The following USH2A variants were observed in gnomAD, a reference collection of about 807,000 sequenced individuals.
USH2A encodes the protein usherin.
USH2A carries 443 observed loss-of-function variants against 538.9 expected under a neutral mutation model. That is an observed-to-expected ratio of 0.82 (90% CI 0.76 to 0.89). The LOEUF is 0.89. USH2A is among the 40% of genes least tolerant of loss of function. The pLI is 0.00. For missense variants in USH2A, 6,633 were observed against 6,324.8 expected (o/e 1.05, Z -1.65); for synonymous variants, 2,413 against 2,273.5 (o/e 1.06, Z -1.75).
At chr1:216,212,332 G>T (rs925345488) in intron 15 of USH2A, among the ~76,000 whole-genome samples, 1 of 152,134 alleles carries the variant, frequency 6.6e-6, no homozygotes, top group African/African-American at 2.4e-5. Flanking sequence ...AGGTTTAGAT[G>T]ACTTACCAAC....
At chr1:215,940,712 G>A (rs954811820) in intron 37 of USH2A, among the ~76,000 whole-genome samples, 4 of 152,100 alleles carry the variant, frequency 2.6e-5, no homozygotes, top group Non-Finnish European at 4.4e-5. Context: ...GACGGTGCTC[G>A]ATTAATGCAT....
chr1:215,938,633 T>G (rs1276761539), intron 37 of USH2A, among the ~76,000 whole-genome samples: 2 of 152,054 alleles, frequency 1.3e-5, no homozygotes, highest in African/African-American at 4.8e-5. Context: ...TGACCCTATT[T>G]GTGAGTATAA....
At chr1:215,781,058 A>G (rs1335189277) in intron 54 of USH2A, among the ~76,000 whole-genome samples, 8 of 152,110 alleles carry the variant, frequency 5.3e-5, no homozygotes, top group Non-Finnish European at 5.9e-5. Context: ...TTGATTGTTT[A>G]TTTCCAGTCT....
At chr1:215,786,930 C>A in intron 51 of USH2A, 56 bp from the exon 52 acceptor site, 1 of 1,545,226 alleles carries the variant, frequency 6.5e-7, no homozygotes, top group Non-Finnish European at 8.9e-7. Context: ...TTCATTTAGA[C>A]ATACATAGGG....
chr1:215,968,712 T>C (rs1667419076), intron 36 of USH2A, among the ~76,000 whole-genome samples: 1 of 152,170 alleles, frequency 6.6e-6, no homozygotes, highest in African/African-American at 2.4e-5. Flanking sequence ...TTGAACTCTT[T>C]CAAAATTTAT....
At chr1:215,685,467 C>T (rs921424560) in intron 61 of USH2A, among the ~76,000 whole-genome samples, 1 of 151,660 alleles carries the variant, frequency 6.6e-6, no homozygotes, top group Non-Finnish European at 1.5e-5. Context: ...GAGCGATTCT[C>T]ATGCCTCAGT....
intron 40 of USH2A, among the ~76,000 whole-genome samples, chr1:215,893,160 T>C (rs532445091): frequency 6.6e-6 from 1 of 152,294 alleles, no homozygotes; most frequent in East Asian, 1.9e-4. Flanking sequence ...TCAACTCTGT[T>C]TACAGGTACA....
At chr1:216,398,882 C>T (rs1052679772) in intron 3 of USH2A, among the ~76,000 whole-genome samples, 3 of 152,158 alleles carry the variant, frequency 2.0e-5, no homozygotes, top group African/African-American at 7.2e-5. Context: ...AAATAAGGAG[C>T]TTATTTTCTG....
chr1:215,671,032 G>T lies in USH2A; in HGVS notation c.14073C>A (p.Asn4691Lys). The change falls in exon 64 of 72, where the codon AAC becomes AAA. Residue 4691 changes from asparagine (N) to lysine (K), a missense_variant. Asn to Lys is a moderately conservative substitution (Grantham distance 94, BLOSUM62 0). Coordinates refer to ENST00000307340, the MANE Select transcript of USH2A (RefSeq NM_206933.4). ...PRKSNPVLIY[N>K]GSSTSFIDSE... ...AATCTATAAAAGATGTTGAGCTTCCGTTATAGATTAGGACTGGATTGGATT... is the reference window on the plus strand; with the variant it reads ...AATCTATAAAAGATGTTGAGCTTCCTTTATAGATTAGGACTGGATTGGATT... 1 of 1,614,110 alleles carries T rather than the reference G, an allele frequency of 6.2e-7. No homozygotes were observed. Among genetic ancestry groups the T allele is most frequent in the South Asian group, 1.1e-5 (1 of 91,090 alleles).
intron 61 of USH2A, among the ~76,000 whole-genome samples, chr1:215,713,308 T>C (rs1368250355): frequency 6.6e-6 from 1 of 152,190 alleles, no homozygotes; most frequent in Admixed American, 6.5e-5. Context: ...GGAGGCACTA[T>C]TAGGCATAAC....
intron 4 of USH2A, among the ~76,000 whole-genome samples, chr1:216,330,553 C>T (rs1290780532): frequency 1.3e-5 from 2 of 151,624 alleles, no homozygotes; most frequent in African/African-American, 4.8e-5. Context: ...AGCTAGCATC[C>T]TGGAGCAGAA....
At chr1:216,410,107 C>T (rs547567462) in intron 3 of USH2A, among the ~76,000 whole-genome samples, 84 of 151,570 alleles carry the variant, frequency 5.5e-4, no homozygotes, top group Non-Finnish European at 1.1e-3. Context: ...AGCATATGAT[C>T]GCTGATCATC....
chr1:215,957,162 CAG>C (rs1667088589), intron 37 of USH2A, among the ~76,000 whole-genome samples: 2 of 152,042 alleles, frequency 1.3e-5, no homozygotes, highest in Non-Finnish European at 2.9e-5. Context: ...CAAATAGAAA[CAG>C]AGTAATTTTC....
At chr1:215,807,468 C>T (rs1662535402) in intron 49 of USH2A, among the ~76,000 whole-genome samples, 1 of 152,112 alleles carries the variant, frequency 6.6e-6, no homozygotes, top group African/African-American at 2.4e-5. Flanking sequence ...AATTGATTCC[C>T]TCTATTTGTC....
At position 215,779,945 on chromosome 1, in the gene USH2A, G is replaced by T. The variant is rs1558094386; in HGVS notation, c.10837C>A (p.Pro3613Thr). ...TTAATGACGCCGTTTGATTTCTCAG[G>T]GACACTCCAGCTCAGATGCAGAGCC... ...AVALHLSWSV[P>T]EKSNGVIKEY... Residue 3613 changes from proline (P) to threonine (T), a missense_variant, in exon 55 of 72, where the codon CCT (proline) becomes ACT (threonine). By Grantham distance (38) the Pro-to-Thr change is conservative. Transcript: ENST00000307340. The T allele has an allele frequency of 6.2e-7, 1 of 1,614,026 alleles. No homozygotes were observed. The highest frequency in any genetic ancestry group is 8.5e-7 in the Non-Finnish European group (1 of 1,180,010).
chr1:216,161,822 TAAA>T (rs984546715), intron 21 of USH2A, among the ~76,000 whole-genome samples: 1 of 152,050 alleles, frequency 6.6e-6, no homozygotes, highest in Non-Finnish European at 1.5e-5. Flanking sequence ...TTATTATTGT[TAAA>T]AAAATAATTT....
intron 21 of USH2A, among the ~76,000 whole-genome samples, chr1:216,152,233 C>A (rs1416952825): frequency 6.6e-6 from 1 of 152,174 alleles, no homozygotes; most frequent in Non-Finnish European, 1.5e-5. Context: ...CCAAGCCAAG[C>A]CATCGCATCC....
At chr1:216,362,799 C>T (rs1033568351) in intron 4 of USH2A, among the ~76,000 whole-genome samples, 4 of 151,522 alleles carry the variant, frequency 2.6e-5, no homozygotes, top group Admixed American at 2.0e-4. Flanking sequence ...AAAAGTTAGG[C>T]GTGGTGGTGC....
intron 64 of USH2A, among the ~76,000 whole-genome samples, chr1:215,651,295 G>A (rs1211359640): frequency 1.3e-5 from 2 of 152,128 alleles, no homozygotes; most frequent in Non-Finnish European, 2.9e-5. Context: ...AATTAAACAC[G>A]AATATCCTAA....
Sources: allele counts gnomAD v4.1 joint callset (sites outside exome capture counted in the v4.1 genomes callset), GRCh38; gene constraint gnomAD v4.1.1; transcripts MANE v1.5; gene names NCBI Gene and HGNC (gene_info 2026-07-23, HGNC 2026-07-21).